MINDY4: variants seen among roughly 807,000 people sequenced by gnomAD.
MINDY4 encodes the protein MINDY lysine 48 deubiquitinase 4.
In MINDY4, 68 loss-of-function variants were observed where a neutral mutation model predicts 87.0. The ratio of observed to expected loss-of-function variants is 0.78; its 90% CI spans 0.64 to 0.96. MINDY4 has a LOEUF of 0.96. Ranked by LOEUF, MINDY4 falls within the 40% of genes least tolerant of loss-of-function variation. The pLI is 0.00. For missense variants in MINDY4, 919 were observed against 928.2 expected (o/e 0.99, Z 0.13); for synonymous variants, 379 against 363.2 (o/e 1.04, Z -0.50).
At chr7:30,839,070 G>T in intron 7 of MINDY4, 130 bp from the exon 8 acceptor site, 1 of 592,584 alleles carries the variant, frequency 1.7e-6, no homozygotes. Flanking sequence ...AAAGAGAAGA[G>T]ATGAACCATG....
At chr7:30,888,918 G>A (rs1260343970) in intron 17 of MINDY4, among the ~76,000 whole-genome samples, 1 of 152,210 alleles carries the variant, frequency 6.6e-6, no homozygotes, top group African/African-American at 2.4e-5. Context: ...AGTGGTAGAT[G>A]AGTGTGACTC....
chr7:30,891,924 C>T (rs370476529), intron 17 of MINDY4, 33 bp from the exon 18 acceptor site: 14 of 1,612,298 alleles, frequency 8.7e-6, no homozygotes, highest in Non-Finnish European at 1.2e-5. Context: ...GAAGCTTGAT[C>T]TCTCTTTGTC....
At chr7:30,889,960 G>C (rs1298854372) in intron 17 of MINDY4, among the ~76,000 whole-genome samples, 1 of 152,198 alleles carries the variant, frequency 6.6e-6, no homozygotes, top group Admixed American at 6.5e-5. Context: ...TGACCAGAAG[G>C]ATCCCAGGAA....
chr7:30,818,258 G>A (rs1247885072), intron 5 of MINDY4, among the ~76,000 whole-genome samples: 4 of 152,042 alleles, frequency 2.6e-5, no homozygotes, highest in African/African-American at 9.7e-5. Context: ...AAATAGTCTT[G>A]CATTTCTATT....
chr7:30,782,711 G>GA (rs61257966), intron 3 of MINDY4, among the ~76,000 whole-genome samples: 1 of 147,808 alleles, frequency 6.8e-6, no homozygotes, highest in Non-Finnish European at 1.5e-5. Flanking sequence ...TCTTAAAAAA[G>GA]AAAAAAAAAA....
chr7:30,866,923 C>T (rs571070975), intron 13 of MINDY4, among the ~76,000 whole-genome samples: 39 of 152,296 alleles, frequency 2.6e-4, no homozygotes, highest in Admixed American at 2.4e-3. Context: ...CCAACTCTCC[C>T]CCTGCCTCCT....
At chr7:30,882,706 TAGAA>T (rs1395348114) in intron 16 of MINDY4, among the ~76,000 whole-genome samples, 2 of 151,734 alleles carry the variant, frequency 1.3e-5, no homozygotes, top group Non-Finnish European at 2.9e-5. Context: ...GAAGTGTTTT[TAGAA>T]AGAGTATTGT....
intron 14 of MINDY4, 69 bp from the exon 15 acceptor site, chr7:30,875,426 A>T: frequency 6.4e-7 from 1 of 1,552,912 alleles, no homozygotes; most frequent in Non-Finnish European, 8.9e-7. Flanking sequence ...GTCTTTCCCC[A>T]GTCTCCTCTC....
At chr7:30,828,530 GA>G in intron 5 of MINDY4, 148 bp from the exon 6 acceptor site, 1 of 725,252 alleles carries the variant, frequency 1.4e-6, no homozygotes, top group Non-Finnish European at 2.4e-6. Context: ...GTGGCTGAGA[GA>G]GGGGGAGTAT....
rs1358923593 is a variant in MINDY4 at position 30,866,207 on chromosome 7, C to T, written c.1746-6036C>T. ...CTGGGAGGTCTCAAGACCCTCGGTC[C>T]TGTGTGCATCTCCTGCCCCTATCCA... On this transcript the variant is annotated intron_variant, in intron 13 of 17. Transcript: ENST00000265299. 2.0e-5 allele frequency among the ~76,000 whole-genome samples: 3 copies of T among 152,238 alleles called. No homozygotes were observed. The East Asian group carries it at 5.8e-4, about 29-fold the overall frequency.
chr7:30,804,752 G>T (rs1453554598), intron 5 of MINDY4, among the ~76,000 whole-genome samples: 2 of 152,220 alleles, frequency 1.3e-5, no homozygotes, highest in Non-Finnish European at 2.9e-5. Flanking sequence ...TGACCAAGCA[G>T]TCTGAGTTCA....
intron 5 of MINDY4, among the ~76,000 whole-genome samples, chr7:30,814,972 C>T (rs1050025571): frequency 6.6e-6 from 1 of 152,124 alleles, no homozygotes; most frequent in South Asian, 2.1e-4. Context: ...TTAAGCCATG[C>T]TTTGACATAT....
intron 7 of MINDY4, among the ~76,000 whole-genome samples, 188 bp from the exon 8 acceptor site, chr7:30,839,012 T>C (rs760604822): frequency 2.3e-4 from 35 of 152,326 alleles, no homozygotes; most frequent in South Asian, 4.1e-4. Context: ...ACCCTCATTA[T>C]TGAGTTTCTC....
intron 5 of MINDY4, among the ~76,000 whole-genome samples, chr7:30,799,870 A>G (rs1275552248): frequency 6.6e-6 from 1 of 152,132 alleles, no homozygotes; most frequent in African/African-American, 2.4e-5. Context: ...AGCTCAGCAA[A>G]GGTGTGAGGG....
intron 3 of MINDY4, among the ~76,000 whole-genome samples, chr7:30,785,269 G>GACACACACAC (rs3138796): frequency 1.2e-4 from 17 of 138,602 alleles, no homozygotes; most frequent in African/African-American, 4.3e-4. Flanking sequence ...CTCTCTCTCT[G>GACACACACAC]ACACACACAC....
intron 9 of MINDY4, among the ~76,000 whole-genome samples, chr7:30,844,688 C>T (rs572692370): frequency 2.0e-5 from 3 of 152,272 alleles, no homozygotes; most frequent in Admixed American, 1.3e-4. Context: ...GGGTGTCTAG[C>T]CTGTAGATGT....
intron 10 of MINDY4, among the ~76,000 whole-genome samples, chr7:30,851,915 G>A (rs1789425627): frequency 1.3e-5 from 2 of 152,116 alleles, no homozygotes. Context: ...GTCAGTTGTG[G>A]GTGAGAGTCA....
intron 5 of MINDY4, among the ~76,000 whole-genome samples, chr7:30,809,685 T>C (rs1787924247): frequency 6.6e-6 from 1 of 151,934 alleles, no homozygotes. Context: ...GTTAACAGTG[T>C]AACATGTATT....
At chr7:30,889,251 T>C (rs1317967465) in intron 17 of MINDY4, among the ~76,000 whole-genome samples, 1 of 152,152 alleles carries the variant, frequency 6.6e-6, no homozygotes, top group Non-Finnish European at 1.5e-5. Flanking sequence ...AACAAGAAAA[T>C]TGAAAATCTC....
Sources: allele counts gnomAD v4.1 joint callset (sites outside exome capture counted in the v4.1 genomes callset), GRCh38; gene constraint gnomAD v4.1.1; transcripts MANE v1.5; gene names NCBI Gene and HGNC (gene_info 2026-07-23, HGNC 2026-07-21).